Variants in QTMAN observed in about 807,000 individuals in gnomAD.
QTMAN encodes tRNA-queuosine alpha-mannosyltransferase.
chr2:144,312,697 C>T, the QTMAN span, among the ~76,000 whole-genome samples: 1 of 152,182 alleles, frequency 6.6e-6, no homozygotes, highest in African/African-American at 2.4e-5. Flanking sequence ...AAGGGAGGAA[C>T]CCAGTGGGAG....
At chr2:144,104,184 T>C in the QTMAN span, among the ~76,000 whole-genome samples, 1 of 151,944 alleles carries the variant, frequency 6.6e-6, no homozygotes, top group African/African-American at 2.4e-5. Context: ...GCGTGAGCAA[T>C]GCAGAAGATG....
chr2:144,183,777 C>T, the QTMAN span, among the ~76,000 whole-genome samples: 2 of 152,088 alleles, frequency 1.3e-5, no homozygotes, highest in African/African-American at 2.4e-5. Flanking sequence ...TTGAAGAATC[C>T]TTTTTTAACA....
chr2:144,275,006 A>C, the QTMAN span, among the ~76,000 whole-genome samples: 5 of 152,226 alleles, frequency 3.3e-5, no homozygotes. Context: ...GTTGGTGTCT[A>C]CTGGAAAATC....
chr2:144,179,624 G>C, the QTMAN span, among the ~76,000 whole-genome samples: 4 of 152,152 alleles, frequency 2.6e-5, no homozygotes, highest in South Asian at 8.3e-4. Flanking sequence ...TTGGGACTAT[G>C]ATACCGGGCT....
At chr2:144,137,127 T>C in the QTMAN span, among the ~76,000 whole-genome samples, 1 of 152,218 alleles carries the variant, frequency 6.6e-6, no homozygotes, top group South Asian at 2.1e-4. Flanking sequence ...GGAACACAGC[T>C]CATGCACATC....
At chr2:144,331,994 C>T in the QTMAN span, among the ~76,000 whole-genome samples, 1 of 152,230 alleles carries the variant, frequency 6.6e-6, no homozygotes, top group Non-Finnish European at 1.5e-5. Context: ...CCAGCCAACT[C>T]AGGCCAACCC....
chr2:144,110,353 G>A, the QTMAN span, among the ~76,000 whole-genome samples: 1 of 152,020 alleles, frequency 6.6e-6, no homozygotes, highest in Non-Finnish European at 1.5e-5. Context: ...AGAACACTTG[G>A]ACACAGGAAG....
chr2:144,079,323 A>G, the QTMAN span, among the ~76,000 whole-genome samples: 11 of 152,138 alleles, frequency 7.2e-5, no homozygotes, highest in Admixed American at 1.3e-4. Context: ...TAATTATCCT[A>G]TTTATAAATC....
chr2:144,273,818 C>G, the QTMAN span, among the ~76,000 whole-genome samples: 1 of 152,102 alleles, frequency 6.6e-6, no homozygotes, highest in African/African-American at 2.4e-5. Context: ...TTCTTAGGGA[C>G]AATGGCCCAG....
the QTMAN span, among the ~76,000 whole-genome samples, chr2:144,030,934 G>A: frequency 6.6e-6 from 1 of 152,164 alleles, no homozygotes; most frequent in African/African-American, 2.4e-5. Context: ...GCCAAGCTAA[G>A]AGGCATGTTG....
At chr2:144,244,911 T>C in the QTMAN span, among the ~76,000 whole-genome samples, 1 of 152,332 alleles carries the variant, frequency 6.6e-6, no homozygotes, top group Admixed American at 6.5e-5. Flanking sequence ...AGAAGCAAGC[T>C]TAAGAATGAA....
chr2:143,979,942 T>G, the QTMAN span, among the ~76,000 whole-genome samples: 4 of 152,206 alleles, frequency 2.6e-5, no homozygotes, highest in Admixed American at 2.0e-4. Context: ...TAGCGAGGCC[T>G]CTTTTTTCCA....
At chr2:144,106,109 T>G in the QTMAN span, among the ~76,000 whole-genome samples, 1 of 152,182 alleles carries the variant, frequency 6.6e-6, no homozygotes, top group Non-Finnish European at 1.5e-5. Flanking sequence ...AAGGAAGCAC[T>G]ATACATGGAA....
At chr2:144,173,350 A>C in the QTMAN span, among the ~76,000 whole-genome samples, 1 of 152,206 alleles carries the variant, frequency 6.6e-6, no homozygotes, top group East Asian at 1.9e-4. Flanking sequence ...GTATGTGATT[A>C]CATTACATAA....
the QTMAN span, among the ~76,000 whole-genome samples, chr2:144,027,727 C>G: frequency 1.3e-5 from 2 of 152,212 alleles, no homozygotes; most frequent in Non-Finnish European, 2.9e-5. Context: ...TAAACACACA[C>G]GCACACCCAG....
the QTMAN span, among the ~76,000 whole-genome samples, chr2:144,192,893 T>A: frequency 6.6e-6 from 1 of 152,166 alleles, no homozygotes; most frequent in South Asian, 2.1e-4. Flanking sequence ...TTTATCTAAT[T>A]TTTTTTGGCA....
At chr2:144,224,770 A>G in the QTMAN span, among the ~76,000 whole-genome samples, 3 of 152,250 alleles carry the variant, frequency 2.0e-5, no homozygotes, top group African/African-American at 7.2e-5. Context: ...ACCACAAAAC[A>G]TAAACAAATT....
At chr2:144,118,226 T>C in the QTMAN span, among the ~76,000 whole-genome samples, 1 of 152,158 alleles carries the variant, frequency 6.6e-6, no homozygotes, top group Non-Finnish European at 1.5e-5. Flanking sequence ...CTTTCAACAT[T>C]TGTATCAGCA....
At chr2:144,150,078 T>G in the QTMAN span, among the ~76,000 whole-genome samples, 4 of 152,026 alleles carry the variant, frequency 2.6e-5, no homozygotes, top group Non-Finnish European at 5.9e-5. Context: ...ATCTTTTCAG[T>G]AGGCCCCTCT....
Sources: allele counts gnomAD v4.1 joint callset (sites outside exome capture counted in the v4.1 genomes callset), GRCh38; gene constraint gnomAD v4.1.1; transcripts MANE v1.5; gene names NCBI Gene and HGNC (gene_info 2026-07-23, HGNC 2026-07-21).